The following DNAH6 variants were observed in gnomAD, a reference collection of about 807,000 sequenced individuals.
DNAH6 encodes the protein axonemal beta dynein heavy chain 6.
Under a neutral mutation model 491.4 loss-of-function variants are expected in DNAH6, and 340 were observed. The observed-to-expected ratio is 0.69, with a 90% confidence interval of 0.63 to 0.76. DNAH6 has a LOEUF of 0.76. DNAH6 is among the 30% of genes least tolerant of loss of function. DNAH6 has a pLI of 0.00. For missense variants in DNAH6, 4,443 were observed against 4,972.2 expected (o/e 0.89, Z 3.20); for synonymous variants, 1,603 against 1,686.1 (o/e 0.95, Z 1.21).
the DNAH6 span, among the ~76,000 whole-genome samples, chr2:84,480,972 AG>A: frequency 6.6e-6 from 1 of 152,014 alleles, no homozygotes; most frequent in African/African-American, 2.4e-5. Context: ...CAAAAAAAAA[AG>A]AAAAAAAAAA....
intron 62 of DNAH6, among the ~76,000 whole-genome samples, chr2:84,735,351 A>G (rs1238701314): frequency 6.6e-6 from 1 of 152,214 alleles, no homozygotes; most frequent in African/African-American, 2.4e-5. Context: ...TAGTGCTGCG[A>G]TAAACATGAG....
chr2:84,675,595 A>G (rs1452302009), intron 40 of DNAH6, among the ~76,000 whole-genome samples: 1 of 152,142 alleles, frequency 6.6e-6, no homozygotes, highest in African/African-American at 2.4e-5. Flanking sequence ...GGTTCCCCCA[A>G]CAAGCATTGC....
At chr2:84,738,717 A>G (rs1672235543) in intron 62 of DNAH6, among the ~76,000 whole-genome samples, 1 of 152,002 alleles carries the variant, frequency 6.6e-6, no homozygotes, top group Admixed American at 6.5e-5. Context: ...CTTTGAGCCT[A>G]TAGGTGTCAT....
Position 84,524,408 on chromosome 2 carries a change from C to G in DNAH6, c.226-1157C>G, listed in dbSNP as rs144895151. Among the ~76,000 whole-genome samples, 411 of 151,732 alleles carry G rather than the reference C, an allele frequency of 2.7e-3. 8 individuals are homozygous for G. The highest frequency in any genetic ancestry group is 0.022 in the Admixed American group (331 of 15,218). ...GGTCTTGTTTTTTTAATCCAACTTG[C>G]CAAACAGGTTATTTAGCCCATTTAC... On this transcript the variant is annotated intron_variant, in intron 2 of 76. Transcript: ENST00000389394.
chr2:84,591,479 A>C (rs1684107872), intron 16 of DNAH6, among the ~76,000 whole-genome samples: 1 of 152,180 alleles, frequency 6.6e-6, no homozygotes, highest in Non-Finnish European at 1.5e-5. Flanking sequence ...AAATAGAAAG[A>C]TATCCCATGT....
At chr2:84,553,413 CTTTCTT>C (rs1679675159) in intron 10 of DNAH6, among the ~76,000 whole-genome samples, 1 of 135,374 alleles carries the variant, frequency 7.4e-6, no homozygotes. Flanking sequence ...TTCTTTCTTT[CTTTCTT>C]TCTTTCTTTC....
Position 84,745,160 on chromosome 2 carries a change from GA to G in DNAH6, c.10427del (p.Lys3476ArgfsTer13). 1.3e-6 allele frequency: 2 copies of G among 1,549,944 alleles called. No homozygotes were observed. Among genetic ancestry groups the G allele is most frequent in the Non-Finnish European group, 1.7e-6 (2 of 1,146,132 alleles). On this transcript the variant is annotated frameshift_variant, in exon 63 of 77. Coordinates refer to ENST00000389394, the MANE Select transcript of DNAH6 (RefSeq NM_001370.2). LOFTEE classifies it high-confidence loss of function. Reference protein sequence around the residue: ...MKHEDKHMRQEKEAAHQDPWS... With the variant: ...MKHEDKHMRQXKEAAHQDPWS... ...ACACGAAGATAAACACATGAGACAG[GA>G]AAAGGAGGCAGCACACCAAGATCCA...
At chr2:84,614,458 A>G (rs568858154) in intron 22 of DNAH6, among the ~76,000 whole-genome samples, 1 of 152,142 alleles carries the variant, frequency 6.6e-6, no homozygotes, top group Non-Finnish European at 1.5e-5. Context: ...GGCTGGTTCC[A>G]TATTTTTGCA....
chr2:84,804,564 T>C (rs1025059490), intron 70 of DNAH6, among the ~76,000 whole-genome samples: 1 of 152,010 alleles, frequency 6.6e-6, no homozygotes, highest in African/African-American at 2.4e-5. Flanking sequence ...TTTATTTATA[T>C]TTTTCTACCT....
At chr2:84,485,648 TC>T in the DNAH6 span, among the ~76,000 whole-genome samples, 3 of 152,056 alleles carry the variant, frequency 2.0e-5, no homozygotes, top group Admixed American at 6.6e-5. Flanking sequence ...TTTGGTTTTT[TC>T]TCCAATATTG....
intron 18 of DNAH6, among the ~76,000 whole-genome samples, chr2:84,598,913 C>CG (rs1684945885): frequency 6.6e-6 from 1 of 151,184 alleles, no homozygotes; most frequent in Non-Finnish European, 1.5e-5. Context: ...GCCTGTAGTC[C>CG]TGGCTACCTG....
chr2:84,502,290 G>A, the DNAH6 span, among the ~76,000 whole-genome samples: 9 of 151,922 alleles, frequency 5.9e-5, no homozygotes, highest in Non-Finnish European at 1.2e-4. Context: ...CTGGTCATTC[G>A]GAGCGTATTG....
chr2:84,810,611 C>G (rs976510336), intron 72 of DNAH6, among the ~76,000 whole-genome samples: 9 of 152,218 alleles, frequency 5.9e-5, no homozygotes, highest in Non-Finnish European at 1.2e-4. Context: ...GCTTTGTTCC[C>G]AGCCTCACCT....
Position 84,653,824 on chromosome 2 carries a change from G to T in DNAH6, c.5584G>T (p.Ala1862Ser), listed in dbSNP as rs865852225. ...GGATGATAACAAGATGCTTTGCCTG[G>T]CTAACAGTGAGAGGATTAAACTCAC... Reference protein sequence around the residue: ...VLDDNKMLCLANSERIKLTPQ... With the variant: ...VLDDNKMLCLSNSERIKLTPQ... Residue 1862 changes from alanine to serine, a missense_variant, in exon 34 of 77, where the codon GCT becomes TCT. Ala to Ser is a moderately conservative substitution (Grantham distance 99, BLOSUM62 1). Transcript: ENST00000389394. 9 of 1,551,298 alleles carry T rather than the reference G, an allele frequency of 5.8e-6. No individual in the cohort carries two copies. The East Asian group carries it at 2.2e-4, about 38-fold the overall frequency.
chr2:84,799,203 G>A (rs1314698864), intron 70 of DNAH6, among the ~76,000 whole-genome samples: 2 of 152,102 alleles, frequency 1.3e-5, no homozygotes, highest in African/African-American at 4.8e-5. Context: ...GACCAGGCTG[G>A]TCTCGAATTC....
rs369092063 is a variant in DNAH6 at position 84,666,673 on chromosome 2, C to G, written c.6085-2616C>G. Among the ~76,000 whole-genome samples, 29 of 152,208 alleles carry G rather than the reference C, an allele frequency of 1.9e-4. 1 individual carries two copies. In the East Asian group the frequency reaches 2.9e-3, roughly 15 times the overall value. On this transcript the variant is annotated intron_variant, in intron 37 of 76. Coordinates refer to ENST00000389394, the MANE Select transcript of DNAH6 (RefSeq NM_001370.2). ...AATATTGTGAAAATGGCCATACTGC[C>G]CAAGGTAATTTATAGATTCAATGCC...
At position 84,796,406 on chromosome 2, in the gene DNAH6, TTA is replaced by T; in HGVS notation, c.11343_11344del (p.Tyr3781Ter). On this transcript the variant is annotated frameshift_variant, in exon 69 of 77. Coordinates refer to ENST00000389394, the MANE Select transcript of DNAH6 (RefSeq NM_001370.2). LOFTEE classifies it high-confidence loss of function. Reference sequence around the variant, plus strand: ...TTTCTCCTGAAACATTAGAAGAAGATTATAAATACTCTGAATCAGGTGAATGA... The same window carrying T: ...TTTCTCCTGAAACATTAGAAGAAGATTAAATACTCTGAATCAGGTGAATGA... ...FFSPETLEED[Y>X]KYSESGIYFA... 6.6e-7 allele frequency: 1 copy of T among 1,525,746 alleles called. No homozygotes were observed. Among genetic ancestry groups the T allele is most frequent in the Non-Finnish European group, 8.8e-7 (1 of 1,131,940 alleles). The allele number at this position is 1,525,746 out of a possible 1,614,324, so 94.5% of individuals were successfully genotyped here. A position where few individuals can be genotyped will look rare whatever the true frequency, so the allele number is the denominator to read the frequency against.
chr2:84,492,131 G>T, the DNAH6 span, among the ~76,000 whole-genome samples: 1 of 152,236 alleles, frequency 6.6e-6, no homozygotes, highest in Non-Finnish European at 1.5e-5. Context: ...AAAGAAAATT[G>T]TAATGATTCA....
In DNAH6 at chr2:84,683,412, A is replaced by ATTTTT. The variant is rs61217837; in HGVS notation, c.6917-1891_6917-1887dup. 6.4e-4 allele frequency among the ~76,000 whole-genome samples: 60 copies of ATTTTT among 93,890 alleles called. 4 individuals carry two copies. Among genetic ancestry groups the ATTTTT allele is most frequent in the African/African-American group, 7.5e-4 (18 of 24,058 alleles). The allele number at this position is 93,890 out of a possible 152,430, so 61.6% of individuals were successfully genotyped here. ...GTGCCCTTTGTTCTACACCACTCTT[A>ATTTTT]TTTTTTTTTTTTTTTTTTTTTTTTT... On this transcript the variant is annotated intron_variant, in intron 42 of 76. Coordinates refer to ENST00000389394, the MANE Select transcript of DNAH6 (RefSeq NM_001370.2).
Sources: gnomAD v4.1 joint callset for allele counts (sites outside exome capture counted in the v4.1 genomes callset) on GRCh38, gnomAD v4.1.1 for gene constraint, MANE v1.5 for transcripts, NCBI Gene and HGNC (gene_info 2026-07-23, HGNC 2026-07-21) for gene names.